Variants in CCSER1 observed in about 807,000 individuals in gnomAD.
CCSER1 encodes the protein coiled-coil serine rich protein 1.
CCSER1 carries 41 observed loss-of-function variants against 82.0 expected under a neutral mutation model. The ratio of observed to expected loss-of-function variants is 0.50; its 90% confidence interval spans 0.39 to 0.65. The LOEUF is 0.65. CCSER1 is among the 30% of genes least tolerant of loss of function. The probability of loss-of-function intolerance (pLI) is 0.00; values close to 1 mark genes in which losing one functional copy is unlikely to be tolerated. For synonymous variants in CCSER1, 414 were observed against 383.9 expected (o/e 1.08, Z -0.92); for missense variants, 1,119 against 1,064.2 (o/e 1.05, Z -0.72).
intron 3 of CCSER1, among the ~76,000 whole-genome samples, chr4:90,333,239 C>A (rs1739663881): frequency 6.6e-6 from 1 of 152,100 alleles, no homozygotes; most frequent in Non-Finnish European, 1.5e-5. Context: ...TGGAAAGGGA[C>A]ACAGCTGAAG....
intron 4 of CCSER1, among the ~76,000 whole-genome samples, chr4:90,454,869 G>C (rs1761975834): frequency 6.6e-6 from 1 of 152,156 alleles, no homozygotes; most frequent in Admixed American, 6.5e-5. Context: ...AAGTTCCGTA[G>C]AGAAAAGCAA....
rs76396177 is a variant in CCSER1 at position 91,503,992 on chromosome 4, A to G, written c.2218-94580A>G. On this transcript the variant is annotated intron_variant, in intron 10 of 10. Transcript: ENST00000509176. ...TCAGAGAGGATTCTTATATTCTTTT[A>G]TTACTGTCTACTCTGCATACATAAG... Among the ~76,000 whole-genome samples, 425 of 152,296 alleles carry G rather than the reference A, an allele frequency of 2.8e-3. 4 individuals are homozygous for G. The highest frequency in any genetic ancestry group is 1.0e-2 in the African/African-American group (415 of 41,570).
At chr4:90,436,594 A>G (rs1759021207) in intron 4 of CCSER1, among the ~76,000 whole-genome samples, 1 of 152,170 alleles carries the variant, frequency 6.6e-6, no homozygotes, top group South Asian at 2.1e-4. Context: ...AAAGTTATAT[A>G]AGCAGTTAAA....
At chr4:91,057,704 T>G (rs2148725982) in intron 9 of CCSER1, among the ~76,000 whole-genome samples, 1 of 152,232 alleles carries the variant, frequency 6.6e-6, no homozygotes, top group Admixed American at 6.5e-5. Flanking sequence ...TATTCCAAAT[T>G]TAAACTTAGG....
chr4:90,420,196 T>C (rs1015350782), intron 4 of CCSER1, among the ~76,000 whole-genome samples: 2 of 151,840 alleles, frequency 1.3e-5, no homozygotes, highest in East Asian at 1.9e-4. Context: ...AATTGACCAA[T>C]TGATTAATTC....
intron 3 of CCSER1, among the ~76,000 whole-genome samples, chr4:90,368,403 G>A (rs6848807): frequency 0.37 from 55,950 of 151,616 alleles, 11,079 homozygotes; most frequent in African/African-American, 0.48. Context: ...TTGGAGACCA[G>A]GGCAGGAGGA....
At chr4:90,421,618 G>T (rs561284953) in intron 4 of CCSER1, among the ~76,000 whole-genome samples, 3 of 152,274 alleles carry the variant, frequency 2.0e-5, no homozygotes, top group East Asian at 3.9e-4. Flanking sequence ...CAATTGAAGG[G>T]TTTGTTTGAA....
intron 1 of CCSER1, among the ~76,000 whole-genome samples, chr4:90,231,585 G>C (rs7439463): frequency 0.62 from 82,967 of 133,034 alleles, 28,109 homozygotes; most frequent in African/African-American, 0.9. Flanking sequence ...CCTCTCTCAC[G>C]ACTCCTATTC....
At chr4:90,523,131 T>C (rs960137109) in intron 5 of CCSER1, among the ~76,000 whole-genome samples, 1 of 152,170 alleles carries the variant, frequency 6.6e-6, no homozygotes, top group African/African-American at 2.4e-5. Context: ...TGACTGTTAT[T>C]TTAAGCCAGG....
intron 10 of CCSER1, among the ~76,000 whole-genome samples, chr4:91,507,657 G>A (rs895841360): frequency 2.0e-5 from 3 of 151,348 alleles, no homozygotes; most frequent in South Asian, 2.1e-4. Flanking sequence ...CTGAATACAC[G>A]TCCTTTACAT....
At chr4:90,824,567 G>T (rs1184185326) in intron 8 of CCSER1, among the ~76,000 whole-genome samples, 1 of 152,080 alleles carries the variant, frequency 6.6e-6, no homozygotes, top group Non-Finnish European at 1.5e-5. Context: ...AAAATGGTAT[G>T]CCCTTGATAC....
chr4:90,917,622 C>G (rs564430378), intron 8 of CCSER1, among the ~76,000 whole-genome samples: 1 of 152,008 alleles, frequency 6.6e-6, no homozygotes, highest in Non-Finnish European at 1.5e-5. Context: ...TGTAACAAAC[C>G]TGCACTTTGT....
In CCSER1 at chr4:91,437,802, T is replaced by TA. The variant is rs568330018; in HGVS notation, c.2218-160764dup. ...TAATACTCCGCTTTTACAAAGGGCT[T>TA]AAAAAATGGCACACCAGGAGATTAT... On this transcript the variant is annotated intron_variant, in intron 10 of 10. Transcript: ENST00000509176. 2.0e-4 allele frequency among the ~76,000 whole-genome samples: 30 copies of TA among 152,292 alleles called. No homozygotes were observed. The East Asian group carries it at 4.3e-3, about 22-fold the overall frequency.
At chr4:90,276,251 T>TTTCTTTCTTTCCTTCCTTCCTTCCTTCC (rs1727659770) in intron 1 of CCSER1, among the ~76,000 whole-genome samples, 1 of 76,828 alleles carries the variant, frequency 1.3e-5, no homozygotes, top group African/African-American at 5.1e-5. Flanking sequence ...TCTTTCTTTC[T>TTTCTTTCTTTCCTTCCTTCCTTCCTTCC]TTCCTTCCTT....
chr4:91,386,189 G>A (rs1751275427), intron 10 of CCSER1, among the ~76,000 whole-genome samples: 1 of 151,580 alleles, frequency 6.6e-6, no homozygotes, highest in Non-Finnish European at 1.5e-5. Flanking sequence ...GGCAACAAGA[G>A]TCCAAGGTAA....
At chr4:91,542,388 CTTGAA>C (rs765193557) in intron 10 of CCSER1, among the ~76,000 whole-genome samples, 2 of 152,060 alleles carry the variant, frequency 1.3e-5, no homozygotes, top group Non-Finnish European at 2.9e-5. Flanking sequence ...TTTAATCCAT[CTTGAA>C]TTAATTTTTG....
At chr4:90,727,001 A>G (rs1038734870) in intron 7 of CCSER1, among the ~76,000 whole-genome samples, 5 of 152,140 alleles carry the variant, frequency 3.3e-5, no homozygotes, top group African/African-American at 4.8e-5. Flanking sequence ...ATAATTCACA[A>G]TCTTCCACAT....
At chr4:90,251,078 T>C (rs890840101) in intron 1 of CCSER1, among the ~76,000 whole-genome samples, 1 of 151,958 alleles carries the variant, frequency 6.6e-6, no homozygotes, top group African/African-American at 2.4e-5. Flanking sequence ...TGCAATAGTT[T>C]ATTTTTGTTT....
At chr4:90,573,987 G>A (rs545010698) in intron 5 of CCSER1, among the ~76,000 whole-genome samples, 2 of 151,200 alleles carry the variant, frequency 1.3e-5, no homozygotes, top group South Asian at 2.1e-4. Context: ...GTACGACACA[G>A]TATGTTATAC....
Sources: gnomAD v4.1 joint callset for allele counts (sites outside exome capture counted in the v4.1 genomes callset) on GRCh38, gnomAD v4.1.1 for gene constraint, MANE v1.5 for transcripts, NCBI Gene and HGNC (gene_info 2026-07-23, HGNC 2026-07-21) for gene names.